PTPRD: variants seen among roughly 807,000 people sequenced by gnomAD.
PTPRD encodes the protein receptor-type tyrosine-protein phosphatase delta.
In PTPRD, 34 loss-of-function variants were observed where a neutral mutation model predicts 214.5. That is an observed-to-expected ratio of 0.16 (90% CI 0.12 to 0.21). PTPRD has a LOEUF of 0.21. Among genes scored for constraint, PTPRD ranks in the 10% least tolerant of loss-of-function variants. The pLI is 1.00. For synonymous variants in PTPRD, 1,128 were observed against 845.7 expected (o/e 1.33, Z -5.79); for missense variants, 2,545 against 2,398.7 (o/e 1.06, Z -1.27).
chr9:9,465,258 A>C (rs1376387792), intron 8 of PTPRD, among the ~76,000 whole-genome samples: 3 of 152,234 alleles, frequency 2.0e-5, no homozygotes, highest in Non-Finnish European at 4.4e-5. Context: ...TTCCAATAAA[A>C]CAAAAGCCAA....
intron 2 of PTPRD, among the ~76,000 whole-genome samples, chr9:10,401,609 A>G (rs2098270778): frequency 6.7e-6 from 1 of 148,470 alleles, no homozygotes; most frequent in Non-Finnish European, 1.5e-5. Flanking sequence ...TGTCTGTGAT[A>G]TAACAGTATA....
chr9:8,654,106 G>C (rs2096864988), intron 12 of PTPRD, among the ~76,000 whole-genome samples: 1 of 152,070 alleles, frequency 6.6e-6, no homozygotes, highest in Non-Finnish European at 1.5e-5. Flanking sequence ...TAACATCCTA[G>C]CTACCAGTTG....
chr9:8,838,053 C>A (rs1384831268), intron 11 of PTPRD, among the ~76,000 whole-genome samples: 1 of 151,940 alleles, frequency 6.6e-6, no homozygotes, highest in Non-Finnish European at 1.5e-5. Context: ...TGAATAAACA[C>A]AAGAAAGCAC....
In PTPRD at chr9:10,606,105, A is replaced by C. The variant is rs189782593; in HGVS notation, c.-600+6293T>G. 2.0e-5 allele frequency among the ~76,000 whole-genome samples: 3 copies of C among 151,948 alleles called. No individual in the cohort carries two copies. In the East Asian group the frequency reaches 5.8e-4, roughly 29 times the overall value. ...ACAGGAATTACTATGGTTCATGAATAAACTGTCCTTCTCAATGGTTCCAGA... is the reference window on the plus strand; with the variant it reads ...ACAGGAATTACTATGGTTCATGAATCAACTGTCCTTCTCAATGGTTCCAGA... On this transcript the variant is annotated intron_variant, in intron 2 of 45. Coordinates refer to ENST00000381196, the MANE Select transcript of PTPRD (RefSeq NM_002839.4).
At chr9:9,237,559 G>A (rs1258028341) in intron 9 of PTPRD, among the ~76,000 whole-genome samples, 1 of 152,094 alleles carries the variant, frequency 6.6e-6, no homozygotes, top group Non-Finnish European at 1.5e-5. Context: ...CCACCAATAT[G>A]CAAATATCTT....
At chr9:9,571,960 A>G (rs2086585794) in intron 8 of PTPRD, among the ~76,000 whole-genome samples, 1 of 151,454 alleles carries the variant, frequency 6.6e-6, no homozygotes, top group East Asian at 1.9e-4. Flanking sequence ...AAACGATATT[A>G]TGGTTTAGAG....
At chr9:9,952,134 T>C (rs950674557) in intron 4 of PTPRD, among the ~76,000 whole-genome samples, 9 of 152,198 alleles carry the variant, frequency 5.9e-5, no homozygotes, top group African/African-American at 2.2e-4. Context: ...CTGAAAGTTA[T>C]GTGCCTAGGA....
chr9:9,524,124 G>C (rs1425121181), intron 8 of PTPRD, among the ~76,000 whole-genome samples: 1 of 152,168 alleles, frequency 6.6e-6, no homozygotes, highest in Non-Finnish European at 1.5e-5. Flanking sequence ...GACCCAGCTT[G>C]AAAACAGAGC....
At chr9:10,601,619 A>G (rs1406626334) in intron 2 of PTPRD, among the ~76,000 whole-genome samples, 1 of 151,746 alleles carries the variant, frequency 6.6e-6, no homozygotes, top group Non-Finnish European at 1.5e-5. Flanking sequence ...CCTGAATTTT[A>G]TATCTTCTTT....
intron 11 of PTPRD, among the ~76,000 whole-genome samples, chr9:8,781,408 G>C (rs553038769): frequency 1.3e-5 from 2 of 152,278 alleles, no homozygotes; most frequent in South Asian, 2.1e-4. Flanking sequence ...GATAAAGGTA[G>C]TAAGGGAAAG....
chr9:9,005,304 A>T (rs917617125), intron 11 of PTPRD, among the ~76,000 whole-genome samples: 1 of 152,098 alleles, frequency 6.6e-6, no homozygotes, highest in African/African-American at 2.4e-5. Context: ...AAATGCAGAT[A>T]AAACAGCAAC....
At position 9,131,055 on chromosome 9, in the gene PTPRD, T is replaced by C. The variant is rs567173484; in HGVS notation, c.-143+52249A>G. Among the ~76,000 whole-genome samples the C allele has an allele frequency of 7.5e-4, 114 of 152,062 alleles. 1 individual carries two copies. Among genetic ancestry groups the C allele is most frequent in the Non-Finnish European group, 1.5e-3 (99 of 68,006 alleles). On this transcript the variant is annotated intron_variant, in intron 10 of 45. Coordinates refer to ENST00000381196, the MANE Select transcript of PTPRD (RefSeq NM_002839.4). ...AAACAAATCCGGTGCTTTTGTAGGA[T>C]GGAAAAGTCTGAAAAAATAGTTGGG... is the stretch of plus-strand genomic sequence containing the variant.
At chr9:8,753,414 T>C (rs2093705030) in intron 11 of PTPRD, among the ~76,000 whole-genome samples, 1 of 152,206 alleles carries the variant, frequency 6.6e-6, no homozygotes. Flanking sequence ...AATCCCACAA[T>C]TCAAGTAGGG....
chr9:9,713,307 T>C (rs73641344), intron 7 of PTPRD, among the ~76,000 whole-genome samples: 4,223 of 152,146 alleles, frequency 0.028, 173 homozygotes, highest in African/African-American at 0.095. Flanking sequence ...AAAATTAGAA[T>C]GGGGAAAGGG....
chr9:8,933,340 G>GTTTTGTTTTTTTTTTTTTTTTTTTTT (rs2098966631), intron 11 of PTPRD, among the ~76,000 whole-genome samples: 1 of 80,430 alleles, frequency 1.2e-5, no homozygotes, highest in African/African-American at 5.1e-5. Flanking sequence ...CAACCTTGAG[G>GTTTTGTTTTTTTTTTTTTTTTTTTTT]TTTTTTTTTT....
intron 14 of PTPRD, among the ~76,000 whole-genome samples, chr9:8,581,363 T>G (rs1028904640): frequency 1.3e-5 from 2 of 152,186 alleles, no homozygotes; most frequent in African/African-American, 4.8e-5. Context: ...AAATTCTCAT[T>G]GTTTGAACAC....
At chr9:9,300,002 A>C (rs962793906) in intron 9 of PTPRD, among the ~76,000 whole-genome samples, 6 of 149,292 alleles carry the variant, frequency 4.0e-5, no homozygotes, top group African/African-American at 1.5e-4. Flanking sequence ...ATTGTAAAAA[A>C]GTTTGTTACT....
At chr9:9,658,481 T>C (rs551833113) in intron 7 of PTPRD, among the ~76,000 whole-genome samples, 40 of 152,300 alleles carry the variant, frequency 2.6e-4, no homozygotes, top group African/African-American at 9.4e-4. Context: ...GAACATCTAG[T>C]ACAATGAATG....
intron 2 of PTPRD, among the ~76,000 whole-genome samples, chr9:10,406,245 TAA>T (rs1447627102): frequency 6.6e-6 from 1 of 151,570 alleles, no homozygotes; most frequent in Non-Finnish European, 1.5e-5. Context: ...TCACATAATT[TAA>T]AAAGAGAAAA....
Sources: allele counts gnomAD v4.1 joint callset (sites outside exome capture counted in the v4.1 genomes callset), GRCh38; gene constraint gnomAD v4.1.1; transcripts MANE v1.5; gene names NCBI Gene and HGNC (gene_info 2026-07-23, HGNC 2026-07-21).